The following ERI1 variants were observed in gnomAD, a reference collection of about 807,000 sequenced individuals.
ERI1 encodes 3'-5' exoribonuclease 1.
In ERI1, 39 loss-of-function variants were observed where a neutral mutation model predicts 39.7. That is an observed-to-expected ratio of 0.98 (90% CI 0.76 to 1.28). The LOEUF is 1.28. ERI1 is among the 50% of genes most tolerant of loss of function. The pLI is 0.00. For missense variants in ERI1, 581 were observed against 416.9 expected, an observed-to-expected ratio of 1.39 and a Z score of -3.43; for synonymous variants, 204 against 149.6, an observed-to-expected ratio of 1.36 and a Z score of -2.65.
chr8:9,057,806 C>T (rs1344823286), intron 3 of ERI1, among the ~76,000 whole-genome samples: 2 of 152,160 alleles, frequency 1.3e-5, no homozygotes, highest in Admixed American at 1.3e-4. Context: ...GTGGTCAGGA[C>T]AGAGCCCAGC....
At chr8:9,048,814 A>T (rs1798259913) in intron 3 of ERI1, among the ~76,000 whole-genome samples, 1 of 151,768 alleles carries the variant, frequency 6.6e-6, no homozygotes, top group African/African-American at 2.4e-5. Flanking sequence ...AATTATTATT[A>T]TTTTTATTTT....
intron 5 of ERI1, among the ~76,000 whole-genome samples, chr8:9,019,950 T>C (rs188350697): frequency 2.0e-3 from 298 of 152,334 alleles, no homozygotes; most frequent in African/African-American, 7.0e-3. Flanking sequence ...AGATTGTATT[T>C]TAACCATTTG....
chr8:9,027,913 G>GAT (rs1797299843), intron 6 of ERI1, among the ~76,000 whole-genome samples: 1 of 152,110 alleles, frequency 6.6e-6, no homozygotes, highest in Non-Finnish European at 1.5e-5. Flanking sequence ...TGCATTTCAG[G>GAT]ATAAAATCCT....
chr8:9,031,207 G>T lies in ERI1; in HGVS notation c.*1173G>T, dbSNP rs1051351572. ...AATTGTGATGCTACTTTATTCTAAA[G>T]ATTTATATTTTATAACCAGATGAAT... On this transcript the variant is annotated 3_prime_UTR_variant, in exon 7 of 7. Transcript: ENST00000250263. The T allele has an allele frequency of 6.6e-6, 1 of 152,090 alleles. No individual in the cohort carries two copies. The highest frequency in any genetic ancestry group is 1.5e-5 in the Non-Finnish European group (1 of 68,008). 9.4% of individuals were successfully genotyped at this position (152,090 alleles called of 1,614,324 possible).
intron 3 of ERI1, among the ~76,000 whole-genome samples, chr8:9,051,575 T>G (rs11775597): frequency 2.0e-5 from 3 of 151,452 alleles, no homozygotes; most frequent in Non-Finnish European, 4.4e-5. Flanking sequence ...AAGGATCACT[T>G]GAACCCAGGA....
chr8:9,034,165 C>G (rs574503579), downstream of ERI1, among the ~76,000 whole-genome samples: 1 of 152,326 alleles, frequency 6.6e-6, no homozygotes, highest in African/African-American at 2.4e-5. Flanking sequence ...GATTCCTTAC[C>G]AAGACTTGGG....
rs532173525 is a variant in ERI1, at chr8:9,026,146, C to G, written c.808-3646C>G. On this transcript the variant is annotated intron_variant, in intron 6 of 6. Coordinates refer to ENST00000250263, the MANE Select transcript of ERI1 (RefSeq NM_153332.4). Reference sequence around the variant, plus strand: ...CCATCACATGAGGTGTGTAATCTTCCACTTGTGACGTTATGTTGGCCCTCA... The same window carrying G: ...CCATCACATGAGGTGTGTAATCTTCGACTTGTGACGTTATGTTGGCCCTCA... Among the ~76,000 whole-genome samples, 4 of 152,260 alleles carry G rather than the reference C, an allele frequency of 2.6e-5. No homozygotes were observed. In the South Asian group the frequency reaches 6.2e-4, roughly 24 times the overall value.
At chr8:9,036,127 C>T (rs528876947), downstream of ERI1, among the ~76,000 whole-genome samples, 2 of 152,324 alleles carry the variant, frequency 1.3e-5, no homozygotes, top group African/African-American at 4.8e-5. Flanking sequence ...ATGCTGTAAA[C>T]ATTCTTGAAA....
intron 3 of ERI1, among the ~76,000 whole-genome samples, chr8:9,014,475 T>TG (rs1394753018): frequency 6.6e-6 from 1 of 152,226 alleles, no homozygotes; most frequent in East Asian, 1.9e-4. Flanking sequence ...CCTGAGTAGC[T>TG]GGGATTACAG....
intron 3 of ERI1, among the ~76,000 whole-genome samples, chr8:9,058,679 C>T (rs1182645826): frequency 1.3e-5 from 2 of 152,126 alleles, no homozygotes; most frequent in Non-Finnish European, 2.9e-5. Flanking sequence ...CCTATCTTGG[C>T]AACCATGTGT....
chr8:9,096,823 G>T (rs1169244449), intron 3 of ERI1: 2 of 141,052 alleles, frequency 1.4e-5, no homozygotes, highest in Non-Finnish European at 3.0e-5. Context: ...CTCAAGCAAT[G>T]CTCCCGCCTC....
At chr8:9,004,018 G>C in intron 1 of ERI1, 2 of 1,205,154 alleles carry the variant, frequency 1.7e-6, no homozygotes, top group Middle Eastern at 2.2e-4. Flanking sequence ...GCGGGGTCGG[G>C]TGCCTGCCTC....
intron 5 of ERI1, 116 bp downstream of exon 5, chr8:9,018,522 C>G (rs1337983429): frequency 3.3e-6 from 2 of 601,106 alleles, no homozygotes; most frequent in Non-Finnish European, 5.7e-6. Flanking sequence ...AGAGTCTCAC[C>G]CCACAGGGAA....
intron 4 of ERI1, among the ~76,000 whole-genome samples, chr8:9,017,329 C>G (rs985325774): frequency 4.6e-5 from 7 of 152,180 alleles, no homozygotes; most frequent in Non-Finnish European, 4.4e-5. Context: ...TGAGCCACCA[C>G]ACCTAGCCTG....
In ERI1 at chr8:9,014,737, G is replaced by A. The variant is rs545902160; in HGVS notation, c.499-1585G>A. On this transcript the variant is annotated intron_variant, in intron 3 of 6. Transcript: ENST00000250263. ...ATGATAAAATAGTGATACTTAAAAGGATATAGACTTAATTTATCTGTGATA... is the reference window on the plus strand; with the variant it reads ...ATGATAAAATAGTGATACTTAAAAGAATATAGACTTAATTTATCTGTGATA... Among the ~76,000 whole-genome samples, 24 of 152,316 alleles carry A rather than the reference G, an allele frequency of 1.6e-4. No individual in the cohort carries two copies. In the Middle Eastern group the frequency reaches 0.01, roughly 65 times the overall value.
chr8:9,061,366 CA>C (rs1490826956), intron 3 of ERI1, among the ~76,000 whole-genome samples: 8 of 152,104 alleles, frequency 5.3e-5, no homozygotes, highest in Non-Finnish European at 1.0e-4. Context: ...GGAGACTCAA[CA>C]AAGAGTGAGT....
intron 3 of ERI1, among the ~76,000 whole-genome samples, chr8:9,047,698 C>T (rs1422243658): frequency 6.7e-6 from 1 of 148,950 alleles, no homozygotes. Flanking sequence ...GACCCTGTCT[C>T]TTAAAAAGAA....
At chr8:9,087,991 T>G (rs1799583536) in intron 3 of ERI1, among the ~76,000 whole-genome samples, 1 of 152,114 alleles carries the variant, frequency 6.6e-6, no homozygotes, top group Non-Finnish European at 1.5e-5. Flanking sequence ...CCTGGCAGAT[T>G]TAAAAAGAAT....
intron 2 of ERI1, among the ~76,000 whole-genome samples, chr8:9,009,412 T>G (rs1816425903): frequency 6.6e-6 from 1 of 152,170 alleles, no homozygotes; most frequent in Non-Finnish European, 1.5e-5. Flanking sequence ...GGGAGGGTAT[T>G]TCAGGCAAAA....
Sources: gnomAD v4.1 joint callset for allele counts (sites outside exome capture counted in the v4.1 genomes callset) on GRCh38, gnomAD v4.1.1 for gene constraint, MANE v1.5 for transcripts, NCBI Gene and HGNC (gene_info 2026-07-23, HGNC 2026-07-21) for gene names.